The following SLC41A3 variants were observed in gnomAD, a reference collection of about 807,000 sequenced individuals.
SLC41A3 encodes the protein solute carrier family 41 member 3.
SLC41A3 carries 44 observed loss-of-function variants against 45.4 expected under a neutral mutation model. That is an observed-to-expected ratio of 0.97 (90% CI 0.76 to 1.25). The LOEUF (loss-of-function observed/expected upper bound fraction) is 1.25, where lower values mean the gene tolerates loss of function less well. Ranked by LOEUF, SLC41A3 falls within the 50% of genes most tolerant of loss-of-function variation. The pLI is 0.00. For missense variants in SLC41A3, 550 were observed against 600.6 expected (o/e 0.92, Z 0.88); for synonymous variants, 256 against 252.4 (o/e 1.01, Z -0.13).
intron 4 of SLC41A3, among the ~76,000 whole-genome samples, chr3:126,032,440 A>C: frequency 6.6e-6 from 1 of 152,344 alleles, no homozygotes; most frequent in East Asian, 1.9e-4. Flanking sequence ...GTTACTGGGA[A>C]GGACCATCCA....
At chr3:126,029,396 C>G in intron 4 of SLC41A3, among the ~76,000 whole-genome samples, 1 of 151,032 alleles carries the variant, frequency 6.6e-6, no homozygotes, top group East Asian at 1.9e-4. Context: ...TGCTCATTCT[C>G]TGGCCACATG....
chr3:126,084,071 C>G (rs1313445042), intron 1 of SLC41A3, 22 bp downstream of exon 1: 4 of 152,046 alleles, frequency 2.6e-5, no homozygotes, highest in Non-Finnish European at 5.9e-5. Context: ...CCCAACCCCG[C>G]CCGGAACAGG....
Position 126,012,680 on chromosome 3 carries a change from G to T in SLC41A3, c.1040C>A (p.Pro347His), listed in dbSNP as rs1939842203. 1 of 1,614,086 alleles carries T rather than the reference G, an allele frequency of 6.2e-7. No individual in the cohort carries two copies. Among genetic ancestry groups the T allele is most frequent in the Non-Finnish European group, 8.5e-7 (1 of 1,180,042 alleles). ...CTTCATCTGGAGGGGCAGGACGCCA[G>T]GTGCACTCCACATGTGCAGGTAGGT... is the stretch of plus-strand genomic sequence containing the variant. Reference protein sequence around the residue: ...ISTYLHMWSAPGVLPLQMKKF... With the variant: ...ISTYLHMWSAHGVLPLQMKKF... The change falls in exon 9 of 11, where the codon CCT becomes CAT. Residue 347 changes from proline to histidine, a missense_variant. Transcript: ENST00000360370.
chr3:126,060,121 T>C (rs1338594402), intron 2 of SLC41A3, among the ~76,000 whole-genome samples: 1 of 152,216 alleles, frequency 6.6e-6, no homozygotes, highest in African/African-American at 2.4e-5. Flanking sequence ...CAAATCTGTT[T>C]AAAAATTGAG....
intron 7 of SLC41A3, among the ~76,000 whole-genome samples, chr3:126,016,422 C>T (rs924418060): frequency 1.1e-4 from 16 of 152,244 alleles, no homozygotes; most frequent in Non-Finnish European, 1.6e-4. Context: ...GCCTGAAAGC[C>T]GCTGTCTCCC....
chr3:126,099,931 A>C (rs4020395), intron 1 of SLC41A3, among the ~76,000 whole-genome samples: 1 of 151,420 alleles, frequency 6.6e-6, no homozygotes, highest in African/African-American at 2.4e-5. Flanking sequence ...GGCAGAGGGA[A>C]TAGCGGCCTT....
intron 5 of SLC41A3, chr3:126,023,360 C>T (rs1941072665): frequency 6.5e-6 from 1 of 154,364 alleles, no homozygotes; most frequent in African/African-American, 2.5e-5. Context: ...GAGAAGCAGA[C>T]ATCCAGATGG....
At position 126,030,561 on chromosome 3, in the gene SLC41A3, G is replaced by T. The variant is rs116493199; in HGVS notation, c.453+3046C>A. ...GTCTTATTTTCTACTGGGGTCTCCT[G>T]TTCTGAGCACAGAGCCTGGCACTCT... is the stretch of plus-strand genomic sequence containing the variant. On this transcript the variant is annotated intron_variant, in intron 4 of 10. Transcript: ENST00000360370. Among the ~76,000 whole-genome samples the T allele has an allele frequency of 1.3e-3, 199 of 152,244 alleles. 1 individual carries two copies. Among genetic ancestry groups the T allele is most frequent in the African/African-American group, 3.8e-3 (158 of 41,542 alleles).
intron 1 of SLC41A3, among the ~76,000 whole-genome samples, chr3:126,089,982 A>G (rs1488292318): frequency 6.7e-6 from 1 of 150,298 alleles, no homozygotes; most frequent in Non-Finnish European, 1.5e-5. Context: ...GTAAATAGAC[A>G]TCTCATTTAA....
intron 2 of SLC41A3, among the ~76,000 whole-genome samples, chr3:126,053,627 T>A (rs1001515863): frequency 6.6e-6 from 1 of 152,166 alleles, no homozygotes; most frequent in South Asian, 2.1e-4. Flanking sequence ...ATAATCAGTG[T>A]CTTTGTTTTT....
At chr3:126,086,422 T>G (rs1283402222), upstream of SLC41A3, among the ~76,000 whole-genome samples, 27 of 146,220 alleles carry the variant, frequency 1.8e-4, no homozygotes, top group Admixed American at 6.8e-5. Flanking sequence ...TTTTTTTTTT[T>G]TTTTTTTTTT....
intron 2 of SLC41A3, among the ~76,000 whole-genome samples, chr3:126,052,387 C>T (rs1370908091): frequency 3.3e-5 from 5 of 152,138 alleles, no homozygotes; most frequent in African/African-American, 4.8e-5. Context: ...CCTGTGGAGC[C>T]CAGCGTGCTC....
intron 1 of SLC41A3, among the ~76,000 whole-genome samples, chr3:126,070,961 A>G (rs1027605887): frequency 8.5e-5 from 13 of 152,212 alleles, no homozygotes; most frequent in East Asian, 1.9e-4. Flanking sequence ...ATTATAAACC[A>G]AGGTGCTGAT....
At chr3:126,008,330 CATGCAGT>C (rs1258489191) in intron 10 of SLC41A3, among the ~76,000 whole-genome samples, 1 of 152,130 alleles carries the variant, frequency 6.6e-6, no homozygotes, top group African/African-American at 2.4e-5. Context: ...TGCACTGTGA[CATGCAGT>C]GTGTAGTGTG....
At chr3:126,032,969 A>G (rs1367409303) in intron 4 of SLC41A3, among the ~76,000 whole-genome samples, 1 of 152,096 alleles carries the variant, frequency 6.6e-6, no homozygotes, top group South Asian at 2.1e-4. Context: ...CTCTGAGCCA[A>G]TCTTTTCCTC....
In SLC41A3 at chr3:126,008,877, A is replaced by G. The variant is rs368476865; in HGVS notation, c.1109T>C (p.Ile370Thr). 28 of 1,613,810 alleles carry G rather than the reference A, an allele frequency of 1.7e-5. No individual in the cohort carries two copies. The highest frequency in any genetic ancestry group is 8.5e-6 in the Non-Finnish European group (10 of 1,179,838). The change falls in exon 10 of 11, where the codon ATC (isoleucine) becomes ACC (threonine). Residue 370 changes from isoleucine (I) to threonine (T), a missense_variant. Ile to Thr is a moderately conservative substitution (Grantham distance 89, BLOSUM62 -1). Coordinates refer to ENST00000360370, the MANE Select transcript of SLC41A3 (RefSeq NM_017836.4). Reference sequence around the variant, plus strand: ...CAGGACTCGAGCTGACATGGAATTGATTTCTGAAAGAAACAGAACCAAGAA... The same window carrying G: ...CAGGACTCGAGCTGACATGGAATTGGTTTCTGAAAGAAACAGAACCAAGAA... ...NPCSTFCTSEINSMSARVLLL... is the reference protein window; with the variant it reads ...NPCSTFCTSETNSMSARVLLL...
chr3:126,037,056 A>C (rs1480544480), intron 3 of SLC41A3, among the ~76,000 whole-genome samples: 1 of 152,170 alleles, frequency 6.6e-6, no homozygotes, highest in Non-Finnish European at 1.5e-5. Context: ...TGGAGGTAGG[A>C]TCTGATGGAA....
At chr3:126,099,868 GC>G in intron 1 of SLC41A3, among the ~76,000 whole-genome samples, 1 of 152,300 alleles carries the variant, frequency 6.6e-6, no homozygotes, top group Admixed American at 6.5e-5. Flanking sequence ...GCTCTCAGTA[GC>G]TTATGACAGC....
intron 6 of SLC41A3, 29 bp from the exon 7 acceptor site, chr3:126,016,904 T>A (rs377666426): frequency 1.4e-5 from 22 of 1,605,212 alleles, no homozygotes; most frequent in Non-Finnish European, 1.8e-5. Context: ...CACACGCAGC[T>A]CATGTGGCCA....
Sources: gnomAD v4.1 joint callset for allele counts (sites outside exome capture counted in the v4.1 genomes callset) on GRCh38, gnomAD v4.1.1 for gene constraint, MANE v1.5 for transcripts, NCBI Gene and HGNC (gene_info 2026-07-23, HGNC 2026-07-21) for gene names.